ESCO2: variants seen among roughly 807,000 people sequenced by gnomAD.
ESCO2 encodes N-acetyltransferase ESCO2.
In ESCO2, 51 loss-of-function variants were observed where a neutral mutation model predicts 61.7. The observed-to-expected ratio is 0.83, with a 90% CI of 0.66 to 1.04. The LOEUF is 1.04. Ranked by LOEUF, ESCO2 falls within the 50% of genes least tolerant of loss-of-function variation. The pLI, the probability that ESCO2 is intolerant of heterozygous loss-of-function variation, is 0.00. For missense variants in ESCO2, 692 were observed against 686.2 expected (o/e 1.01, Z -0.09); for synonymous variants, 230 against 238.2 (o/e 0.97, Z 0.32).
downstream of ESCO2, chr8:27,808,215 AC>A: frequency 8.0e-7 from 1 of 1,247,714 alleles, no homozygotes; most frequent in Non-Finnish European, 1.0e-6. Flanking sequence ...TTAAATAGGT[AC>A]CAGGAGACAT....
rs1041437409 is a variant in ESCO2 at position 27,788,856 on chromosome 8, C to G, written c.1141C>G (p.Gln381Glu). The G allele has an allele frequency of 1.9e-6, 3 of 1,613,962 alleles. No individual in the cohort carries two copies. The highest frequency in any genetic ancestry group is 2.2e-5 in the South Asian group (2 of 91,046). Residue 381 changes from glutamine to glutamate, a missense_variant, in exon 7 of 11, where the codon CAG (glutamine) becomes GAG (glutamate). Transcript: ENST00000305188. ...TACCCCCCAATTATAGGACGCTGGT[C>G]AGAAACATTTTGGGGCTACTGTGTG... is the stretch of plus-strand genomic sequence containing the variant. ...TKDQLIIDAG[Q>E]KHFGATVCKS...
In ESCO2 at chr8:27,805,196, G is replaced by A. The variant is rs1231919331; in HGVS notation, c.*1758G>A. The stretch of plus-strand genomic sequence containing the variant: ...ACTCGGGAGGCTGAGGCAGGAGAAT[G>A]GCGTGAACCCGGGAGGCGAGCTTGC... On this transcript the variant is annotated 3_prime_UTR_variant, in exon 11 of 11. Coordinates refer to ENST00000305188, the MANE Select transcript of ESCO2 (RefSeq NM_001017420.3). 1.8e-5 allele frequency: 2 copies of A among 113,096 alleles called. No homozygotes were observed. The highest frequency in any genetic ancestry group is 3.7e-5 in the Non-Finnish European group (2 of 53,480). The allele number at this position is 113,096 out of a possible 1,614,324, so 7.0% of individuals were successfully genotyped here. A position where few individuals can be genotyped will look rare whatever the true frequency, so the allele number is the denominator to read the frequency against.
chr8:27,793,479 G>GTTTTTTT (rs67670087), intron 9 of ESCO2, among the ~76,000 whole-genome samples: 5 of 125,508 alleles, frequency 4.0e-5, no homozygotes, highest in African/African-American at 5.9e-5. Context: ...CTTTTTCTTT[G>GTTTTTTT]TTTTTTTTTT....
In ESCO2 at chr8:27,800,619, G is replaced by A. The variant is rs146454776; in HGVS notation, c.1673+903G>A. On this transcript the variant is annotated intron_variant, in intron 10 of 10. Coordinates refer to ENST00000305188, the MANE Select transcript of ESCO2 (RefSeq NM_001017420.3). The stretch of plus-strand genomic sequence containing the variant: ...GTTTCACTCCTAGGTATATACTCAA[G>A]AAAACATGTCCACACAAAACCTTGC... Among the ~76,000 whole-genome samples, 3 of 152,210 alleles carry A rather than the reference G, an allele frequency of 2.0e-5. No homozygotes were observed. In the South Asian group the frequency reaches 6.2e-4, roughly 32 times the overall value.
At chr8:27,779,892 C>A in intron 3 of ESCO2, 3 of 348,758 alleles carry the variant, frequency 8.6e-6, no homozygotes, top group East Asian at 1.4e-4. Context: ...GTCTCAATCC[C>A]TTGACCTCGC....
downstream of ESCO2, chr8:27,808,292 G>T: frequency 1.1e-6 from 1 of 922,906 alleles, no homozygotes; most frequent in African/African-American, 1.8e-5. Context: ...GGCATAACAA[G>T]CTCCTGGAGG....
chr8:27,793,406 A>G (rs1210973538), intron 9 of ESCO2, among the ~76,000 whole-genome samples: 2 of 152,012 alleles, frequency 1.3e-5, no homozygotes, highest in African/African-American at 4.8e-5. Context: ...TAATATAGCT[A>G]TACCTCACAT....
At chr8:27,800,873 T>C (rs1044310377) in intron 10 of ESCO2, among the ~76,000 whole-genome samples, 1 of 152,142 alleles carries the variant, frequency 6.6e-6, no homozygotes. Flanking sequence ...TATATTTACA[T>C]AAAATGTCCA....
intron 10 of ESCO2, among the ~76,000 whole-genome samples, chr8:27,800,984 A>G (rs2128958042): frequency 6.6e-6 from 1 of 152,234 alleles, no homozygotes; most frequent in East Asian, 1.9e-4. Context: ...GGGGTTTGGG[A>G]TGATAAAAAT....
chr8:27,784,565 A>G (rs774984883), intron 5 of ESCO2, among the ~76,000 whole-genome samples: 1 of 152,160 alleles, frequency 6.6e-6, no homozygotes, highest in Admixed American at 6.5e-5. Context: ...TGTAGGTACC[A>G]TTATTACCCC....
chr8:27,788,987 A>T lies in ESCO2; in HGVS notation c.1263+9A>T. On this transcript the variant is annotated intron_variant, in intron 7 of 10. Coordinates refer to ENST00000305188, the MANE Select transcript of ESCO2 (RefSeq NM_001017420.3). ...AAGGAATCAAATATGTGGTGAGCCA[A>T]AACATAGTCTTTCAGTTTGTTCTAG... The T allele has an allele frequency of 6.2e-7, 1 of 1,614,038 alleles. No individual in the cohort carries two copies. The highest frequency in any genetic ancestry group is 8.5e-7 in the Non-Finnish European group (1 of 1,179,962).
chr8:27,793,531 G>T (rs1337842270), intron 9 of ESCO2, among the ~76,000 whole-genome samples: 1 of 146,912 alleles, frequency 6.8e-6, no homozygotes, highest in Non-Finnish European at 1.5e-5. Context: ...CTTTTGCCCA[G>T]GCTGGAGTGC....
At chr8:27,818,601 A>G in the ESCO2 span, among the ~76,000 whole-genome samples, 1 of 152,208 alleles carries the variant, frequency 6.6e-6, no homozygotes, top group African/African-American at 2.4e-5. Flanking sequence ...CAGTCTCTTC[A>G]TAATAGAGCT....
At chr8:27,782,871 C>T (rs1359174811) in intron 4 of ESCO2, among the ~76,000 whole-genome samples, 1 of 152,080 alleles carries the variant, frequency 6.6e-6, no homozygotes, top group Non-Finnish European at 1.5e-5. Context: ...TCTTTTTCCC[C>T]CTACCTCCTT....
chr8:27,784,125 A>C, intron 5 of ESCO2, 68 bp downstream of exon 5: 1 of 1,469,902 alleles, frequency 6.8e-7, no homozygotes. Context: ...TCTCTTTTTC[A>C]GTCTCATGCT....
chr8:27,812,807 AAGTC>A (rs1168984509), downstream of ESCO2, among the ~76,000 whole-genome samples: 3 of 152,206 alleles, frequency 2.0e-5, no homozygotes, highest in African/African-American at 7.2e-5. Context: ...AATCATTAAA[AAGTC>A]AGGAAACAAC....
intron 4 of ESCO2, 115 bp downstream of exon 4, chr8:27,780,382 G>C: frequency 1.4e-6 from 1 of 714,468 alleles, no homozygotes. Context: ...CGTGCCTGTG[G>C]TTAGTATCTT....
At chr8:27,807,293 G>C (rs1434174424), downstream of ESCO2, among the ~76,000 whole-genome samples, 2 of 151,984 alleles carry the variant, frequency 1.3e-5, no homozygotes, top group Non-Finnish European at 2.9e-5. Flanking sequence ...TCTATTCCTA[G>C]GTTTCTAGGA....
chr8:27,794,222 T>C (rs910259796), intron 9 of ESCO2, among the ~76,000 whole-genome samples: 1 of 152,250 alleles, frequency 6.6e-6, no homozygotes, highest in Admixed American at 6.5e-5. Context: ...CTCTTCAACA[T>C]ACTGATTTCA....
Sources: gnomAD v4.1 joint callset for allele counts (sites outside exome capture counted in the v4.1 genomes callset) on GRCh38, gnomAD v4.1.1 for gene constraint, MANE v1.5 for transcripts, NCBI Gene and HGNC (gene_info 2026-07-23, HGNC 2026-07-21) for gene names.